The following STXBP3 variants were observed in gnomAD, a reference collection of about 807,000 sequenced individuals.
The protein encoded by STXBP3 is syntaxin binding protein 3, also known as syntaxin-binding protein 3.
STXBP3 carries 41 observed loss-of-function variants against 85.7 expected under a neutral mutation model. The ratio of observed to expected loss-of-function variants is 0.48; its 90% CI spans 0.37 to 0.62. STXBP3 has a LOEUF of 0.62. STXBP3 is among the 20% of genes least tolerant of loss of function. The probability of loss-of-function intolerance (pLI) is 0.00; values close to 1 mark genes in which losing one functional copy is unlikely to be tolerated. For missense variants in STXBP3, 563 were observed against 703.1 expected (o/e 0.80, Z 2.25); for synonymous variants, 229 against 231.7 (o/e 0.99, Z 0.10).
chr1:108,791,552 C>T (rs781679205), intron 11 of STXBP3, among the ~76,000 whole-genome samples: 7 of 151,516 alleles, frequency 4.6e-5, no homozygotes, highest in East Asian at 1.9e-4. Flanking sequence ...TTAACCTCTC[C>T]GCATTGCAAC....
chr1:108,773,600 C>T (rs1029396149), intron 7 of STXBP3, among the ~76,000 whole-genome samples: 8 of 152,128 alleles, frequency 5.3e-5, no homozygotes, highest in Non-Finnish European at 1.0e-4. Flanking sequence ...GAGCTCATCC[C>T]AGCAGCTCAT....
At chr1:108,761,117 G>A (rs563674010) in intron 6 of STXBP3, among the ~76,000 whole-genome samples, 2 of 152,186 alleles carry the variant, frequency 1.3e-5, no homozygotes, top group African/African-American at 4.8e-5. Flanking sequence ...TGTTGGTCAG[G>A]CTGGTCTCGA....
At chr1:108,800,791 A>C (rs1020836449) in intron 17 of STXBP3, among the ~76,000 whole-genome samples, 5 of 152,200 alleles carry the variant, frequency 3.3e-5, no homozygotes, top group African/African-American at 1.2e-4. Context: ...TATCCTAAAC[A>C]GTGTCTTGAG....
At chr1:108,765,146 C>T (rs1195201625) in intron 6 of STXBP3, among the ~76,000 whole-genome samples, 1 of 152,196 alleles carries the variant, frequency 6.6e-6, no homozygotes, top group African/African-American at 2.4e-5. Flanking sequence ...GTCCTTTCCA[C>T]ATTGTTCTTG....
At chr1:108,778,616 T>G (rs1251613151) in intron 8 of STXBP3, among the ~76,000 whole-genome samples, 3 of 152,180 alleles carry the variant, frequency 2.0e-5, no homozygotes, top group Admixed American at 1.3e-4. Context: ...AAGAATTAAA[T>G]GAAATAGTCC....
At chr1:108,770,494 CT>C (rs11364973) in intron 6 of STXBP3, among the ~76,000 whole-genome samples, 108,240 of 151,984 alleles carry the variant, frequency 0.71, 39,512 homozygotes, top group Non-Finnish European at 0.77. Flanking sequence ...GCATCCTAGC[CT>C]TTTGAGCAGG....
chr1:108,798,970 T>G (rs1287633684), intron 16 of STXBP3, among the ~76,000 whole-genome samples: 2 of 152,246 alleles, frequency 1.3e-5, no homozygotes, highest in Non-Finnish European at 2.9e-5. Flanking sequence ...TGCTGTCAGA[T>G]GAATCATGCC....
intron 2 of STXBP3, 33 bp from the exon 3 acceptor site, chr1:108,753,030 T>C (rs777469042): frequency 6.7e-7 from 1 of 1,486,158 alleles, no homozygotes; most frequent in South Asian, 1.3e-5. Flanking sequence ...AATAGGATGC[T>C]TACAGTATTT....
At position 108,760,020 on chromosome 1, in the gene STXBP3, T is replaced by C. The variant is rs1342674079; in HGVS notation, c.373T>C (p.Ser125Pro). The C allele has an allele frequency of 1.3e-6, 2 of 1,579,954 alleles. No homozygotes were observed. Among genetic ancestry groups the C allele is most frequent in the Non-Finnish European group, 1.7e-6 (2 of 1,167,856 alleles). The change falls in exon 6 of 19, where the codon TCT becomes CCT. Residue 125 changes from serine (S) to proline (P), a missense_variant. Physicochemically the swap from Ser to Pro is moderately conservative, Grantham distance 74 (BLOSUM62 -1). This residue lies in a region of STXBP3 where 494 missense variants were observed against 592.8 expected (regional missense o/e 0.83). Transcript: ENST00000370008. The stretch of plus-strand genomic sequence containing the variant: ...TAATCTCTTTAACAAAATTAAGGCT[T>C]CTTGCTCCAAGTCAATAAGAAGATG... ...PDNLFNKIKASCSKSIRRCKE... is the reference protein window; with the variant it reads ...PDNLFNKIKAPCSKSIRRCKE...
intron 2 of STXBP3, 28 bp from the exon 3 acceptor site, chr1:108,753,035 G>A: frequency 1.3e-6 from 2 of 1,501,492 alleles, no homozygotes; most frequent in South Asian, 1.3e-5. Context: ...GATGCTTACA[G>A]TATTTTTAAA....
Position 108,789,343 on chromosome 1 carries a change from C to T in STXBP3, c.964-4239C>T, listed in dbSNP as rs557513538. The stretch of plus-strand genomic sequence containing the variant: ...GTTTTTGTGATTTTTTTTTTAACCT[C>T]ATCAGCTATTGTTAGTGTATTTTAT... On this transcript the variant is annotated intron_variant, in intron 11 of 18. Transcript: ENST00000370008. 6.6e-5 allele frequency among the ~76,000 whole-genome samples: 10 copies of T among 152,040 alleles called. No homozygotes were observed. The East Asian group carries it at 1.4e-3, about 21-fold the overall frequency.
Position 108,753,084 on chromosome 1 carries a change from A to G in STXBP3, c.121A>G (p.Thr41Ala). ...TAAGATAATGCTTTTAGATGAATTT[A>G]CCACTAAGCTTTTGGCATCGTGTTG... is the stretch of plus-strand genomic sequence containing the variant. Reference protein sequence around the residue: ...EWKIMLLDEFTTKLLASCCKM... With the variant: ...EWKIMLLDEFATKLLASCCKM... Residue 41 changes from threonine (T) to alanine (A), a missense_variant, in exon 3 of 19, where the codon ACC becomes GCC. Physicochemically the swap from Thr to Ala is moderately conservative, Grantham distance 58 (BLOSUM62 0). Around this residue, in one of 3 missense-constraint regions of STXBP3, gnomAD observed 32 missense variants for 70.6 expected, o/e 0.45. Coordinates refer to ENST00000370008, the MANE Select transcript of STXBP3 (RefSeq NM_007269.4). The G allele has an allele frequency of 6.3e-7, 1 of 1,585,552 alleles. No individual in the cohort carries two copies. The highest frequency in any genetic ancestry group is 8.6e-7 in the Non-Finnish European group (1 of 1,167,628).
In STXBP3 at chr1:108,807,386, T is replaced by A. The variant is rs111845099; in HGVS notation, c.1536-15T>A. 21,203 of 1,591,850 alleles carry A rather than the reference T, an allele frequency of 0.013. 150 individuals are homozygous for A. The highest frequency in any genetic ancestry group is 0.022 in the Middle Eastern group (130 of 6,004). On this transcript the variant is annotated splice_polypyrimidine_tract_variant and intron_variant, in intron 17 of 18. Coordinates refer to ENST00000370008, the MANE Select transcript of STXBP3 (RefSeq NM_007269.4). ...TATAACATGTTTACTTTTTTTTTTT[T>A]AAATTACTTTTTAGTGCTCGCCAGA...
chr1:108,799,212 T>C (rs544583220), intron 16 of STXBP3, among the ~76,000 whole-genome samples: 1 of 152,222 alleles, frequency 6.6e-6, no homozygotes, highest in Non-Finnish European at 1.5e-5. Flanking sequence ...TAATTTTATG[T>C]TATTCACACA....
At chr1:108,754,690 T>C (rs1307123461) in intron 3 of STXBP3, among the ~76,000 whole-genome samples, 1 of 152,200 alleles carries the variant, frequency 6.6e-6, no homozygotes, top group Non-Finnish European at 1.5e-5. Flanking sequence ...GAAACAGTAT[T>C]AAACAGAGCT....
intron 6 of STXBP3, among the ~76,000 whole-genome samples, chr1:108,769,969 T>G (rs543304135): frequency 4.7e-4 from 71 of 152,292 alleles, no homozygotes; most frequent in African/African-American, 1.6e-3. Context: ...TTAAAGCTTC[T>G]GCTGGGAAGT....
intron 6 of STXBP3, among the ~76,000 whole-genome samples, chr1:108,763,862 A>G (rs1294686433): frequency 3.3e-5 from 5 of 152,038 alleles, no homozygotes; most frequent in African/African-American, 1.2e-4. Flanking sequence ...GATCACAGGC[A>G]TGAGCCACTG....
chr1:108,798,111 C>A lies in STXBP3; in HGVS notation c.1357-34C>A, dbSNP rs1382419109. ...AGAGTATTATATTTGAATAGAATTA[C>A]TGGTTTTTAATTTTTTTCCTCTAAT... On this transcript the variant is annotated intron_variant, in intron 15 of 18. Coordinates refer to ENST00000370008, the MANE Select transcript of STXBP3 (RefSeq NM_007269.4). The A allele has an allele frequency of 2.7e-6, 4 of 1,489,136 alleles. No individual in the cohort carries two copies. The East Asian group carries it at 9.1e-5, about 34-fold the overall frequency. The allele number at this position is 1,489,136 out of a possible 1,614,324, so 92.2% of individuals were successfully genotyped here.
At chr1:108,805,351 T>G (rs974351606) in intron 17 of STXBP3, among the ~76,000 whole-genome samples, 1 of 152,118 alleles carries the variant, frequency 6.6e-6, no homozygotes, top group Non-Finnish European at 1.5e-5. Context: ...AAAATTTGTT[T>G]CCTGTTGTTC....
Sources: gnomAD v4.1 joint callset for allele counts (sites outside exome capture counted in the v4.1 genomes callset) on GRCh38, gnomAD v4.1.1 for gene constraint, gnomAD v4.1.1 regional missense constraint, MANE v1.5 for transcripts, NCBI Gene and HGNC (gene_info 2026-07-23, HGNC 2026-07-21) for gene names.